The following SLC19A2 variants were observed in gnomAD, a reference collection of about 807,000 sequenced individuals.
SLC19A2 encodes the protein thiamine transporter 1.
In SLC19A2, 27 loss-of-function variants were observed where a neutral mutation model predicts 44.7. The ratio of observed to expected loss-of-function variants is 0.60; its 90% CI spans 0.45 to 0.83. The LOEUF is 0.83. Among genes scored for constraint, SLC19A2 ranks in the 40% least tolerant of loss-of-function variants. The probability of loss-of-function intolerance (pLI) is 0.00; values close to 1 mark genes in which losing one functional copy is unlikely to be tolerated. For synonymous variants in SLC19A2, 239 were observed against 243.6 expected, an observed-to-expected ratio of 0.98 and a Z score of 0.18; for missense variants, 566 against 613.7, an observed-to-expected ratio of 0.92 and a Z score of 0.82.
chr1:169,471,765 C>T (rs1453015993), intron 2 of SLC19A2, among the ~76,000 whole-genome samples: 1 of 151,066 alleles, frequency 6.6e-6, no homozygotes, highest in African/African-American at 2.4e-5. Context: ...CTCTTATATA[C>T]AGTAACAGTG....
intron 2 of SLC19A2, among the ~76,000 whole-genome samples, chr1:169,475,997 T>C (rs956111184): frequency 6.6e-6 from 1 of 152,202 alleles, no homozygotes. Flanking sequence ...TGGAGCTCAG[T>C]CCGACTGAGG....
In SLC19A2 at chr1:169,464,828, C is replaced by A. The variant is rs1657949811; in HGVS notation, c.*1021G>T. The A allele has an allele frequency of 6.6e-6, 1 of 152,462 alleles. No individual in the cohort carries two copies. Among genetic ancestry groups the A allele is most frequent in the Non-Finnish European group, 1.5e-5 (1 of 67,998 alleles). 9.4% of individuals were successfully genotyped at this position (152,462 alleles called of 1,614,324 possible). ...TCCCATTGAAATAATTGAAAAGAGG[C>A]TCAGTTTATGAAAAAGGCCTTGGAC... is the stretch of plus-strand genomic sequence containing the variant. On this transcript the variant is annotated 3_prime_UTR_variant, in exon 6 of 6. Coordinates refer to ENST00000236137, the MANE Select transcript of SLC19A2 (RefSeq NM_006996.3).
chr1:169,468,288 T>C (rs755693633), intron 4 of SLC19A2, 36 bp from the exon 5 acceptor site: 4 of 1,539,050 alleles, frequency 2.6e-6, no homozygotes, highest in African/African-American at 2.8e-5. Flanking sequence ...AAATAAGAAT[T>C]ACTTCTGGAG....
chr1:169,475,839 G>C (rs543486813), intron 2 of SLC19A2, among the ~76,000 whole-genome samples: 1 of 152,320 alleles, frequency 6.6e-6, no homozygotes, highest in South Asian at 2.1e-4. Flanking sequence ...GTAGTAATTT[G>C]AGAGCTGAAG....
In SLC19A2 at chr1:169,465,800, A is replaced by G. The variant is rs1401663519; in HGVS notation, c.*49T>C. The G allele has an allele frequency of 6.2e-7, 1 of 1,604,018 alleles. No homozygotes were observed. Among genetic ancestry groups the G allele is most frequent in the South Asian group, 1.1e-5 (1 of 90,870 alleles). ...TTTAAAAAATCAAACACATCCAGGC[A>G]GTTGCTGTGCAGAGTTCTTGCTATA... On this transcript the variant is annotated 3_prime_UTR_variant, in exon 6 of 6. Coordinates refer to ENST00000236137, the MANE Select transcript of SLC19A2 (RefSeq NM_006996.3).
rs1467924856 is a variant in SLC19A2, at chr1:169,465,614, GA to G, written c.*234del. The G allele has an allele frequency of 1.4e-5, 7 of 514,336 alleles. No individual in the cohort carries two copies. The highest frequency in any genetic ancestry group is 3.6e-5 in the East Asian group (1 of 27,546). 31.9% of individuals were successfully genotyped at this position (514,336 alleles called of 1,614,324 possible). On this transcript the variant is annotated 3_prime_UTR_variant, in exon 6 of 6. Transcript: ENST00000236137. Reference sequence around the variant, plus strand: ...TAAAATCAAGTTCACTTTTGAATCAGAAAAAAAGTCATCCTTAAATTAGCTC... The same window carrying G: ...TAAAATCAAGTTCACTTTTGAATCAGAAAAAAGTCATCCTTAAATTAGCTC...
chr1:169,465,870 ACTTGATTGTGGATCTTCCAGCTTT>A lies in SLC19A2; in HGVS notation c.1449_1472del (p.Arg483_Ser490del), dbSNP rs1557887526. 21 of 1,614,092 alleles carry A rather than the reference ACTTGATTGTGGATCTTCCAGCTTT, an allele frequency of 1.3e-5. No individual in the cohort carries two copies. The highest frequency in any genetic ancestry group is 1.5e-5 in the Non-Finnish European group (18 of 1,179,954). On this transcript the variant is annotated inframe_deletion, in exon 6 of 6. Transcript: ENST00000236137. Reference sequence around the variant, plus strand: ...TATATTATGAAGTGGTTACTTGAGAACTTGATTGTGGATCTTCCAGCTTTCTACATTTCTTCATAACACTGACTG... The same window carrying A: ...TATATTATGAAGTGGTTACTTGAGAACTACATTTCTTCATAACACTGACTG...
At chr1:169,472,965 G>A (rs1658223541) in intron 2 of SLC19A2, among the ~76,000 whole-genome samples, 2 of 152,168 alleles carry the variant, frequency 1.3e-5, no homozygotes, top group Admixed American at 1.3e-4. Flanking sequence ...GGCCTTCACT[G>A]TGTTCCATGG....
At chr1:169,481,515 T>C (rs1658445297) in intron 1 of SLC19A2, among the ~76,000 whole-genome samples, 1 of 152,236 alleles carries the variant, frequency 6.6e-6, no homozygotes, top group Non-Finnish European at 1.5e-5. Context: ...ACTTAACTAA[T>C]GGGTCTCCAA....
At chr1:169,471,698 G>GTGTGTGTATA (rs1553212202) in intron 2 of SLC19A2, among the ~76,000 whole-genome samples, 105 of 146,976 alleles carry the variant, frequency 7.1e-4, no homozygotes, top group African/African-American at 2.6e-3. Flanking sequence ...GTGTGTGTGT[G>GTGTGTGTATA]TATATATACA....
At chr1:169,471,676 G>GTGTGTGTGTGTGTA in intron 2 of SLC19A2, among the ~76,000 whole-genome samples, 1 of 16,610 alleles carries the variant, frequency 6.0e-5, no homozygotes, top group Non-Finnish European at 1.6e-4. Context: ...AAAAACAAAC[G>GTGTGTGTGTGTGTA]TGTGTGTGTG....
rs181612338 is a variant in SLC19A2 at position 169,485,789 on chromosome 1, C to A, written c.-23G>T. The A allele has an allele frequency of 6.9e-5, 104 of 1,514,474 alleles. No individual in the cohort carries two copies. The South Asian group carries it at 1.2e-3, about 17-fold the overall frequency. 93.8% of individuals were successfully genotyped at this position (1,514,474 alleles called of 1,614,324 possible). On this transcript the variant is annotated 5_prime_UTR_variant, in exon 1 of 6. Coordinates refer to ENST00000236137, the MANE Select transcript of SLC19A2 (RefSeq NM_006996.3). ...CATCCGGGGCGCGAGGGGAGGGGACCCGGCCCGGCCCCTTCCTTCTCCTCC... is the reference window on the plus strand; with the variant it reads ...CATCCGGGGCGCGAGGGGAGGGGACACGGCCCGGCCCCTTCCTTCTCCTCC...
intron 2 of SLC19A2, among the ~76,000 whole-genome samples, chr1:169,475,749 T>C (rs926364076): frequency 6.6e-6 from 1 of 152,184 alleles, no homozygotes; most frequent in Middle Eastern, 3.2e-3. Context: ...GCCCTGGTAA[T>C]CAAGGTGAGT....
chr1:169,482,811 T>C (rs2101785323), intron 1 of SLC19A2, among the ~76,000 whole-genome samples: 1 of 152,234 alleles, frequency 6.6e-6, no homozygotes, highest in South Asian at 2.1e-4. Context: ...TGAATGGAGC[T>C]TGGTTATGTG....
intron 5 of SLC19A2, among the ~76,000 whole-genome samples, chr1:169,466,831 C>A (rs944145872): frequency 1.3e-5 from 2 of 151,846 alleles, no homozygotes; most frequent in Admixed American, 6.6e-5. Context: ...ATGCCCTAAG[C>A]GAAATTTTAA....
intron 2 of SLC19A2, 24 bp from the exon 3 acceptor site, chr1:169,470,210 C>A: frequency 6.3e-7 from 1 of 1,598,464 alleles, no homozygotes; most frequent in Non-Finnish European, 8.6e-7. Context: ...GGGAACAATG[C>A]TCAAACTCTG....
rs148622489 is a variant in SLC19A2, at chr1:169,473,760, C to T, written c.807+3395G>A. ...TGATGATGATGATGATGAAGATGAC[C>T]AGGGGTGATTAATTCAAAGAGAAAA... On this transcript the variant is annotated intron_variant, in intron 2 of 5. Transcript: ENST00000236137. Among the ~76,000 whole-genome samples the T allele has an allele frequency of 4.3e-3, 607 of 141,664 alleles. 10 individuals are homozygous for T. Among genetic ancestry groups the T allele is most frequent in the African/African-American group, 0.015 (576 of 39,630 alleles). The allele number at this position is 141,664 out of a possible 152,430, so 92.9% of individuals were successfully genotyped here.
chr1:169,482,210 A>T (rs1179330741), intron 1 of SLC19A2, among the ~76,000 whole-genome samples: 1 of 149,812 alleles, frequency 6.7e-6, no homozygotes, highest in African/African-American at 2.5e-5. Context: ...TCAAAAAATA[A>T]AAATTAAAAT....
chr1:169,468,534 T>C (rs1658089415), intron 4 of SLC19A2, 110 bp downstream of exon 4: 3 of 876,920 alleles, frequency 3.4e-6, no homozygotes, highest in Non-Finnish European at 5.5e-6. Flanking sequence ...CAATGCTTCC[T>C]CCCATTTGCC....
Sources: gnomAD v4.1 joint callset for allele counts (sites outside exome capture counted in the v4.1 genomes callset) on GRCh38, gnomAD v4.1.1 for gene constraint, MANE v1.5 for transcripts, NCBI Gene and HGNC (gene_info 2026-07-23, HGNC 2026-07-21) for gene names.